LMBR1: variants seen among roughly 807,000 people sequenced by gnomAD.
LMBR1 encodes the protein limb region 1 protein homolog.
A neutral mutation model predicts 73.9 loss-of-function variants in LMBR1; 52 were observed. The ratio of observed to expected loss-of-function variants is 0.70; its 90% CI spans 0.56 to 0.89. The LOEUF (loss-of-function observed/expected upper bound fraction) is 0.89, where lower values mean the gene tolerates loss of function less well. LMBR1 is among the 40% of genes least tolerant of loss of function. The pLI is 0.00. For synonymous variants in LMBR1, 215 were observed against 209.4 expected, an observed-to-expected ratio of 1.03 and a Z score of -0.23; for missense variants, 539 against 579.8, an observed-to-expected ratio of 0.93 and a Z score of 0.72.
chr7:156,824,153 CT>C (rs1465977114), intron 4 of LMBR1, among the ~76,000 whole-genome samples: 3 of 151,698 alleles, frequency 2.0e-5, no homozygotes, highest in African/African-American at 7.3e-5. Context: ...CGCGCGCGCG[CT>C]GAAAAAATGT....
In LMBR1 at chr7:156,891,225, TATATATATAC is replaced by T. The variant is rs1225884019; in HGVS notation, c.66+1693_66+1702del. ...AAAAAAAAAAAAATATATATATATA[TATATATATAC>T]ACACACACACACACACACACACACA... is the stretch of plus-strand genomic sequence containing the variant. On this transcript the variant is annotated intron_variant, in intron 1 of 16. Transcript: ENST00000353442. Among the ~76,000 whole-genome samples the T allele has an allele frequency of 6.6e-4, 51 of 77,260 alleles. 1 individual carries two copies. Among genetic ancestry groups the T allele is most frequent in the African/African-American group, 2.1e-3 (44 of 21,082 alleles). The allele number at this position is 77,260 out of a possible 152,430, so 50.7% of individuals were successfully genotyped here. A position where few individuals can be genotyped will look rare whatever the true frequency, so the allele number is the denominator to read the frequency against.
At position 156,829,649 on chromosome 7, in the gene LMBR1, T is replaced by C. The variant is rs557376863; in HGVS notation, c.180-2905A>G. Among the ~76,000 whole-genome samples, 132 of 152,310 alleles carry C rather than the reference T, an allele frequency of 8.7e-4. 1 individual carries two copies. Among genetic ancestry groups the C allele is most frequent in the Admixed American group, 1.5e-3 (23 of 15,296 alleles). On this transcript the variant is annotated intron_variant, in intron 3 of 16. Coordinates refer to ENST00000353442, the MANE Select transcript of LMBR1 (RefSeq NM_022458.4). ...AGCAACACATAACAGACTAACACTA[T>C]CAGGCTCTTCCTAAGCTTTCTACCA...
At chr7:156,811,037 C>G (rs915843335) in intron 4 of LMBR1, among the ~76,000 whole-genome samples, 4 of 151,824 alleles carry the variant, frequency 2.6e-5, no homozygotes, top group African/African-American at 7.2e-5. Context: ...TCTTGAACTC[C>G]CGACCTCAGG....
chr7:156,707,209 G>C (rs1811134070), intron 15 of LMBR1, among the ~76,000 whole-genome samples: 1 of 152,030 alleles, frequency 6.6e-6, no homozygotes. Flanking sequence ...AACCCGAGCA[G>C]GCCAATGATG....
chr7:156,853,001 C>T (rs1432483908), intron 1 of LMBR1, among the ~76,000 whole-genome samples: 2 of 151,476 alleles, frequency 1.3e-5, no homozygotes, highest in Non-Finnish European at 2.9e-5. Context: ...TGCAGTGGCC[C>T]GATCTCAGCT....
At chr7:156,701,867 G>A (rs1324541210) in intron 15 of LMBR1, among the ~76,000 whole-genome samples, 1 of 152,216 alleles carries the variant, frequency 6.6e-6, no homozygotes, top group Non-Finnish European at 1.5e-5. Context: ...TTATAAGTGA[G>A]AACATGTGGT....
intron 5 of LMBR1, among the ~76,000 whole-genome samples, chr7:156,785,968 A>G (rs1404236688): frequency 6.6e-6 from 1 of 152,204 alleles, no homozygotes; most frequent in Non-Finnish European, 1.5e-5. Flanking sequence ...ATAAATATTA[A>G]CTGAATGATT....
intron 8 of LMBR1, among the ~76,000 whole-genome samples, chr7:156,761,559 T>C (rs1432466465): frequency 5.3e-5 from 8 of 152,220 alleles, no homozygotes; most frequent in African/African-American, 1.9e-4. Flanking sequence ...CTGTAAATAT[T>C]TGTAAATTTT....
In LMBR1 at chr7:156,882,505, AAG is replaced by A. The variant is rs201194393; in HGVS notation, c.66+10421_66+10422del. ...TGAGGACACTAACCTAAGTGAAAAA[AAG>A]AGAGTCACAAGAAGACAAATACTGC... On this transcript the variant is annotated intron_variant, in intron 1 of 16. Coordinates refer to ENST00000353442, the MANE Select transcript of LMBR1 (RefSeq NM_022458.4). 3.0e-3 allele frequency among the ~76,000 whole-genome samples: 458 copies of A among 152,342 alleles called. 5 individuals carry two copies. Among genetic ancestry groups the A allele is most frequent in the African/African-American group, 9.3e-3 (386 of 41,576 alleles).
intron 4 of LMBR1, among the ~76,000 whole-genome samples, chr7:156,822,086 G>A (rs1289147947): frequency 2.6e-5 from 4 of 152,138 alleles, no homozygotes; most frequent in African/African-American, 7.2e-5. Flanking sequence ...CTTTGCTTAC[G>A]AAAACCTTCA....
downstream of LMBR1, among the ~76,000 whole-genome samples, chr7:156,674,258 C>T (rs1227904289): frequency 1.3e-5 from 2 of 152,282 alleles, no homozygotes; most frequent in Non-Finnish European, 2.9e-5. Context: ...TTATCTGCCA[C>T]CCCCCGGGCC....
intron 15 of LMBR1, among the ~76,000 whole-genome samples, chr7:156,722,386 T>C (rs1814772877): frequency 6.6e-6 from 1 of 152,180 alleles, no homozygotes; most frequent in Non-Finnish European, 1.5e-5. Flanking sequence ...TTTTATCTTC[T>C]TAAAATCAAA....
Position 156,893,084 on chromosome 7 carries a change from G to T in LMBR1, c.-91C>A. ...CGCAGGGGCTCGGACAGCCGCGCCG[G>T]GGACCGGAGCCGGCACGGGCCCGCG... On this transcript the variant is annotated 5_prime_UTR_variant, in exon 1 of 17. Coordinates refer to ENST00000353442, the MANE Select transcript of LMBR1 (RefSeq NM_022458.4). 7.9e-7 allele frequency: 1 copy of T among 1,272,636 alleles called. No individual in the cohort carries two copies. Among genetic ancestry groups the T allele is most frequent in the East Asian group, 3.2e-5 (1 of 31,156 alleles). The allele number at this position is 1,272,636 out of a possible 1,614,324, so 78.8% of individuals were successfully genotyped here.
intron 4 of LMBR1, among the ~76,000 whole-genome samples, chr7:156,820,377 T>TA (rs1563446942): frequency 6.6e-6 from 1 of 152,194 alleles, no homozygotes; most frequent in Non-Finnish European, 1.5e-5. Context: ...GTATTATAAT[T>TA]TAGTTCACAG....
rs1821878789 is a variant in LMBR1, at chr7:156,756,377, T to C, written c.757+16A>G. On this transcript the variant is annotated intron_variant, in intron 9 of 16. Transcript: ENST00000353442. ...AGATTTTTTTATCCCCGTCTAAATATGTAATATAAACATACCATTTAGTCG... is the reference window on the plus strand; with the variant it reads ...AGATTTTTTTATCCCCGTCTAAATACGTAATATAAACATACCATTTAGTCG... 2 of 1,184,502 alleles carry C rather than the reference T, an allele frequency of 1.7e-6. No homozygotes were observed. The highest frequency in any genetic ancestry group is 2.5e-6 in the Non-Finnish European group (2 of 801,838). The allele number at this position is 1,184,502 out of a possible 1,614,324, so 73.4% of individuals were successfully genotyped here.
intron 15 of LMBR1, among the ~76,000 whole-genome samples, chr7:156,694,490 T>C (rs969707319): frequency 2.6e-5 from 4 of 152,140 alleles, no homozygotes; most frequent in Admixed American, 6.5e-5. Flanking sequence ...GGGAAGAAAC[T>C]GAAAGCTTCT....
intron 5 of LMBR1, among the ~76,000 whole-genome samples, chr7:156,781,948 C>T (rs570809151): frequency 6.6e-6 from 1 of 152,222 alleles, no homozygotes; most frequent in Non-Finnish European, 1.5e-5. Flanking sequence ...TTTTCATATT[C>T]ACCAACTGAA....
intron 4 of LMBR1, among the ~76,000 whole-genome samples, chr7:156,802,725 C>T (rs1831225345): frequency 6.6e-6 from 1 of 152,046 alleles, no homozygotes; most frequent in East Asian, 1.9e-4. Flanking sequence ...TAAACACATC[C>T]ATCACCCCCA....
intron 5 of LMBR1, among the ~76,000 whole-genome samples, chr7:156,770,165 G>C (rs778467333): frequency 8.5e-5 from 13 of 152,084 alleles, no homozygotes; most frequent in Non-Finnish European, 1.8e-4. Flanking sequence ...AAATGAATTT[G>C]AAATTAAACT....
Sources: gnomAD v4.1 joint callset for allele counts (sites outside exome capture counted in the v4.1 genomes callset) on GRCh38, gnomAD v4.1.1 for gene constraint, MANE v1.5 for transcripts, NCBI Gene and HGNC (gene_info 2026-07-23, HGNC 2026-07-21) for gene names.